Variants in ACYP2 observed in about 807,000 individuals in gnomAD.
ACYP2 encodes the protein acylphosphatase-2.
ACYP2 carries 12 observed loss-of-function variants against 11.2 expected under a neutral mutation model. That is an observed-to-expected ratio of 1.08 (90% CI 0.69 to 1.74). The LOEUF is 1.74. Ranked by LOEUF, ACYP2 falls within the 40% of genes most tolerant of loss-of-function variation. The pLI is 0.00. For synonymous variants in ACYP2, 43 were observed against 32.2 expected (o/e 1.33, Z -1.13); for missense variants, 134 against 101.9 (o/e 1.31, Z -1.35).
chr2:54,263,690 T>A (rs1687881229), intron 6 of ACYP2, among the ~76,000 whole-genome samples: 1 of 152,234 alleles, frequency 6.6e-6, no homozygotes, highest in Non-Finnish European at 1.5e-5. Context: ...AGTTGCTCCT[T>A]CATTCTTTTC....
chr2:54,285,076 C>T (rs1354314057), intron 6 of ACYP2, among the ~76,000 whole-genome samples: 1 of 152,198 alleles, frequency 6.6e-6, no homozygotes, highest in African/African-American at 2.4e-5. Flanking sequence ...CAGCTCTGCT[C>T]TGCTTCAAAG....
chr2:54,047,135 C>A (rs546542848), intron 2 of ACYP2, among the ~76,000 whole-genome samples: 102 of 152,278 alleles, frequency 6.7e-4, no homozygotes, highest in African/African-American at 2.3e-3. Flanking sequence ...TTTTCTAAAC[C>A]CATTTTTGGG....
chr2:54,243,087 T>C (rs1558637676), intron 6 of ACYP2, among the ~76,000 whole-genome samples: 1 of 152,344 alleles, frequency 6.6e-6, no homozygotes, highest in East Asian at 1.9e-4. Flanking sequence ...GTCTGTGATA[T>C]GAGATGACAA....
At chr2:54,194,343 A>C (rs927058327) in intron 6 of ACYP2, among the ~76,000 whole-genome samples, 1 of 152,158 alleles carries the variant, frequency 6.6e-6, no homozygotes, top group African/African-American at 2.4e-5. Context: ...CCCAGCCCCC[A>C]TCAACATTTT....
chr2:53,986,705 A>G (rs1419495073), intron 2 of ACYP2, among the ~76,000 whole-genome samples: 3 of 148,772 alleles, frequency 2.0e-5, no homozygotes, highest in Non-Finnish European at 3.0e-5. Context: ...GGTCACTGCA[A>G]CCTCTGCCTC....
At chr2:54,073,002 A>G (rs2103651435) in intron 4 of ACYP2, among the ~76,000 whole-genome samples, 1 of 152,366 alleles carries the variant, frequency 6.6e-6, no homozygotes, top group Middle Eastern at 3.4e-3. Context: ...ACAAAGGTAC[A>G]TTAATCAAGT....
At chr2:54,218,966 A>AT (rs1005443484) in intron 6 of ACYP2, among the ~76,000 whole-genome samples, 91 of 151,604 alleles carry the variant, frequency 6.0e-4, no homozygotes, top group Admixed American at 1.6e-3. Context: ...TTAAATTGGG[A>AT]TTTTTTTTTG....
chr2:54,187,972 A>G (rs1045682236), intron 6 of ACYP2, among the ~76,000 whole-genome samples: 1 of 152,164 alleles, frequency 6.6e-6, no homozygotes, highest in Non-Finnish European at 1.5e-5. Flanking sequence ...CAACATTTCT[A>G]CCCACTGGAG....
At chr2:54,022,791 C>T (rs1674074537) in intron 2 of ACYP2, among the ~76,000 whole-genome samples, 2 of 152,316 alleles carry the variant, frequency 1.3e-5, no homozygotes, top group South Asian at 4.1e-4. Flanking sequence ...GGTGCCCTCT[C>T]CATTCCCCTT....
intron 4 of ACYP2, among the ~76,000 whole-genome samples, chr2:54,134,415 A>G (rs1249480873): frequency 6.6e-6 from 1 of 152,234 alleles, no homozygotes; most frequent in Non-Finnish European, 1.5e-5. Flanking sequence ...TAGAAATAAA[A>G]TACACAAATG....
intron 6 of ACYP2, among the ~76,000 whole-genome samples, chr2:54,215,306 G>C (rs1448730054): frequency 1.3e-5 from 2 of 152,208 alleles, no homozygotes; most frequent in Non-Finnish European, 2.9e-5. Context: ...TGGTGAGAGA[G>C]GGCATCCTTG....
At chr2:54,179,434 T>C (rs1253300222) in intron 6 of ACYP2, among the ~76,000 whole-genome samples, 3 of 152,094 alleles carry the variant, frequency 2.0e-5, no homozygotes, top group Non-Finnish European at 2.9e-5. Flanking sequence ...TCAGGGCAAG[T>C]CGGCGGAGTA....
chr2:54,231,324 G>A (rs1054821311), intron 6 of ACYP2, among the ~76,000 whole-genome samples: 7 of 152,156 alleles, frequency 4.6e-5, no homozygotes, highest in Admixed American at 6.5e-5. Flanking sequence ...GACTCTTTTC[G>A]TCAATATTAT....
chr2:54,142,921 A>T (rs1681684846), intron 6 of ACYP2: 1 of 152,002 alleles, frequency 6.6e-6, no homozygotes, highest in African/African-American at 2.4e-5. Flanking sequence ...TGACTTTTTC[A>T]CTATTGCATA....
intron 2 of ACYP2, among the ~76,000 whole-genome samples, chr2:53,991,066 G>A (rs945153685): frequency 6.6e-6 from 1 of 152,224 alleles, no homozygotes; most frequent in Non-Finnish European, 1.5e-5. Context: ...AAAGTGCTGG[G>A]ATTACAGGCG....
At chr2:53,999,597 G>A (rs577050549) in intron 2 of ACYP2, among the ~76,000 whole-genome samples, 23 of 152,222 alleles carry the variant, frequency 1.5e-4, no homozygotes, top group African/African-American at 3.4e-4. Flanking sequence ...TAGGAGAGAC[G>A]CTGCTAGGAC....
At chr2:54,096,206 G>A (rs1391600028) in intron 4 of ACYP2, among the ~76,000 whole-genome samples, 2 of 146,834 alleles carry the variant, frequency 1.4e-5, no homozygotes, top group African/African-American at 2.6e-5. Flanking sequence ...CGGGGCGGCC[G>A]GGCAGAGACG....
At chr2:54,003,035 C>A (rs987490214) in intron 2 of ACYP2, among the ~76,000 whole-genome samples, 1 of 151,798 alleles carries the variant, frequency 6.6e-6, no homozygotes, top group African/African-American at 2.4e-5. Flanking sequence ...GCAACCTCCA[C>A]CTCCTGGGTT....
chr2:54,058,709 ATT>A (rs58430648), intron 4 of ACYP2, among the ~76,000 whole-genome samples: 129 of 135,232 alleles, frequency 9.5e-4, no homozygotes, highest in Middle Eastern at 3.8e-3. Context: ...CTGGCTGATA[ATT>A]TTTTTTTTTT....
Sources: gnomAD v4.1 joint callset for allele counts (sites outside exome capture counted in the v4.1 genomes callset) on GRCh38, gnomAD v4.1.1 for gene constraint, MANE v1.5 for transcripts, NCBI Gene and HGNC (gene_info 2026-07-23, HGNC 2026-07-21) for gene names.